HTRA4: variants seen among roughly 807,000 people sequenced by gnomAD.
HTRA4 encodes the protein serine protease HTRA4.
Under a neutral mutation model 49.1 loss-of-function variants are expected in HTRA4, and 46 were observed. The ratio of observed to expected loss-of-function variants is 0.94; its 90% CI spans 0.74 to 1.20. The LOEUF (loss-of-function observed/expected upper bound fraction) is 1.20. HTRA4 is among the 50% of genes most tolerant of loss of function. The pLI is 0.00. For missense variants in HTRA4, 602 were observed against 636.9 expected (o/e 0.95, Z 0.59); for synonymous variants, 261 against 264.0 (o/e 0.99, Z 0.11).
intron 6 of HTRA4, 70 bp from the exon 7 acceptor site, chr8:38,982,428 A>T (rs1835434520): frequency 2.3e-6 from 3 of 1,299,762 alleles, no homozygotes; most frequent in African/African-American, 1.5e-5. Context: ...ATCCTGGGAC[A>T]TGGGTGTCTT....
chr8:38,974,942 G>T, intron 1 of HTRA4, 89 bp from the exon 2 acceptor site: 2 of 1,497,160 alleles, frequency 1.3e-6, no homozygotes, highest in South Asian at 1.1e-5. Context: ...TGCACCTTTT[G>T]AACACTGTCT....
intron 8 of HTRA4, among the ~76,000 whole-genome samples, chr8:38,986,661 C>T (rs1227654437): frequency 1.3e-5 from 2 of 152,178 alleles, no homozygotes; most frequent in African/African-American, 4.8e-5. Context: ...CAAAGAGGTT[C>T]ATTAACTTGT....
At position 38,974,331 on chromosome 8, in the gene HTRA4, T is replaced by A; in HGVS notation, c.68T>A (p.Leu23Gln). ...CTCCTGCCGGGGCTGCTGCTGCTCC[T>A]GGTGCCCGTCCTCTGGGCCGGGGCT... Reference protein sequence around the residue: ...RCLLPGLLLLLVPVLWAGAEK... With the variant: ...RCLLPGLLLLQVPVLWAGAEK... The change falls in exon 1 of 9, where the codon CTG becomes CAG. Residue 23 changes from leucine (L) to glutamine (Q), a missense_variant. Coordinates refer to ENST00000302495, the MANE Select transcript of HTRA4 (RefSeq NM_153692.4). The A allele has an allele frequency of 6.2e-7, 1 of 1,612,646 alleles. No homozygotes were observed. Among genetic ancestry groups the A allele is most frequent in the Non-Finnish European group, 8.5e-7 (1 of 1,179,736 alleles).
chr8:38,987,885 T>G, intron 8 of HTRA4, 51 bp from the exon 9 acceptor site: 2 of 1,466,368 alleles, frequency 1.4e-6, no homozygotes, highest in South Asian at 2.8e-5. Context: ...TGGGGATAAG[T>G]AAAATTCTTG....
In HTRA4 at chr8:38,988,038, G is replaced by A. The variant is rs1385696160; in HGVS notation, c.1371G>A (p.Met457Ile). 1.9e-6 allele frequency: 3 copies of A among 1,611,956 alleles called. No individual in the cohort carries two copies. The highest frequency in any genetic ancestry group is 1.1e-5 in the South Asian group (1 of 90,534). ...VKALDSDSLS[M>I]AVLRGKDNLL... is the part of the protein sequence containing the mutation. Reference sequence around the variant, plus strand: ...CTCTTGACAGTGATTCCCTTTCCATGGCTGTTCTTCGGGGAAAAGATAATT... The same window carrying A: ...CTCTTGACAGTGATTCCCTTTCCATAGCTGTTCTTCGGGGAAAAGATAATT... The change falls in exon 9 of 9, where the codon ATG becomes ATA. Residue 457 changes from methionine (M) to isoleucine (I), a missense_variant. By Grantham distance (10) the Met-to-Ile change is conservative. Transcript: ENST00000302495.
chr8:38,984,116 T>C (rs942644049), intron 8 of HTRA4, among the ~76,000 whole-genome samples: 12 of 152,114 alleles, frequency 7.9e-5, no homozygotes, highest in Admixed American at 1.3e-4. Context: ...TTCTCCTGCC[T>C]CAGCCTCCCG....
Position 38,975,076 on chromosome 8 carries a change from C to T in HTRA4, c.512C>T (p.Ala171Val). The change falls in exon 2 of 9, where the codon GCC (alanine) becomes GTC (valine). Residue 171 changes from alanine (A) to valine (V), a missense_variant. By Grantham distance (64) the Ala-to-Val change is moderately conservative. Coordinates refer to ENST00000302495, the MANE Select transcript of HTRA4 (RefSeq NM_153692.4). ...GPLRRNYNFI[A>V]AVVEKVAPSV... Reference sequence around the variant, plus strand: ...CTCAGGAGGAATTACAACTTCATCGCCGCGGTGGTGGAGAAGGTGGCGCCA... The same window carrying T: ...CTCAGGAGGAATTACAACTTCATCGTCGCGGTGGTGGAGAAGGTGGCGCCA... The T allele has an allele frequency of 6.2e-7, 1 of 1,614,034 alleles. No individual in the cohort carries two copies. The highest frequency in any genetic ancestry group is 8.5e-7 in the Non-Finnish European group (1 of 1,180,032).
At chr8:38,977,381 T>C (rs1835366114) in intron 3 of HTRA4, among the ~76,000 whole-genome samples, 1 of 152,154 alleles carries the variant, frequency 6.6e-6, no homozygotes, top group African/African-American at 2.4e-5. Flanking sequence ...AAGGAATACT[T>C]TGAAGTCCTT....
chr8:38,978,269 G>A (rs1332528066), intron 4 of HTRA4, 122 bp downstream of exon 4: 10 of 762,862 alleles, frequency 1.3e-5, no homozygotes, highest in African/African-American at 1.1e-4. Context: ...ATGACTGCCC[G>A]AGTTCCACCT....
chr8:38,976,060 G>A (rs945235770), intron 2 of HTRA4, among the ~76,000 whole-genome samples: 3 of 152,218 alleles, frequency 2.0e-5, no homozygotes, highest in African/African-American at 7.2e-5. Flanking sequence ...TACCTGCCAA[G>A]TCCACTGATA....
chr8:38,974,603 G>C lies in HTRA4; in HGVS notation c.340G>C (p.Ala114Pro). Reference sequence around the variant, plus strand: ...CTGCGGTTGCCCGACGCTGGGAGGGGCCGTGTGCGGCAGCGACAGGCGCAC... The same window carrying C: ...CTGCGGTTGCCCGACGCTGGGAGGGCCCGTGTGCGGCAGCGACAGGCGCAC... ...STCGCPTLGG[A>P]VCGSDRRTYP... Residue 114 changes from alanine to proline, a missense_variant, in exon 1 of 9, where the codon GCC becomes CCC. Transcript: ENST00000302495. The C allele has an allele frequency of 7.0e-7, 1 of 1,426,890 alleles. No individual in the cohort carries two copies. The highest frequency in any genetic ancestry group is 9.1e-7 in the Non-Finnish European group (1 of 1,097,054). 88.4% of individuals were successfully genotyped at this position (1,426,890 alleles called of 1,614,324 possible).
intron 5 of HTRA4, among the ~76,000 whole-genome samples, chr8:38,981,093 TTTTTG>T: frequency 7.6e-6 from 1 of 131,836 alleles, no homozygotes; most frequent in African/African-American, 3.3e-5. Context: ...TTTTTTTTTT[TTTTTG>T]AGACGGAGTC....
intron 5 of HTRA4, among the ~76,000 whole-genome samples, chr8:38,981,106 G>A (rs1320230326): frequency 9.9e-6 from 1 of 100,744 alleles, no homozygotes; most frequent in Non-Finnish European, 1.8e-5. Context: ...TTGAGACGGA[G>A]TCTCGCTAGG....
In HTRA4 at chr8:38,981,569, T is replaced by G. The variant is rs1030951810; in HGVS notation, c.1000-84T>G. 33 of 891,562 alleles carry G rather than the reference T, an allele frequency of 3.7e-5. No homozygotes were observed. The East Asian group carries it at 7.3e-4, about 20-fold the overall frequency. The allele number at this position is 891,562 out of a possible 1,614,324, so 55.2% of individuals were successfully genotyped here. A position where few individuals can be genotyped will look rare whatever the true frequency, so the allele number is the denominator to read the frequency against. On this transcript the variant is annotated intron_variant, in intron 5 of 8. Transcript: ENST00000302495. ...TGTTTTCTGACCCTAAGTAACTAGC[T>G]TCACTCCTTCTTCTGCTTGTTCTGG...
intron 8 of HTRA4, among the ~76,000 whole-genome samples, chr8:38,985,774 T>G (rs550165825): frequency 3.3e-5 from 5 of 152,334 alleles, no homozygotes; most frequent in Admixed American, 3.3e-4. Flanking sequence ...CAGCTGGGGC[T>G]TGTTGGAAAG....
chr8:38,980,653 G>C (rs1040104118), intron 5 of HTRA4, among the ~76,000 whole-genome samples: 1 of 151,654 alleles, frequency 6.6e-6, no homozygotes, highest in Admixed American at 6.6e-5. Context: ...CAGGAGAATC[G>C]CTTGAACCCG....
In HTRA4 at chr8:38,974,592, C is replaced by G. The variant is rs1588288993; in HGVS notation, c.329C>G (p.Thr110Arg). The part of the protein sequence containing the change: ...PGFPSTCGCP[T>R]LGGAVCGSDR... ...TTCCCCAGCACCTGCGGTTGCCCGA[C>G]GCTGGGAGGGGCCGTGTGCGGCAGC... Residue 110 changes from threonine to arginine, a missense_variant, in exon 1 of 9, where the codon ACG becomes AGG. Physicochemically the swap from Thr to Arg is moderately conservative, Grantham distance 71 (BLOSUM62 -1). Coordinates refer to ENST00000302495, the MANE Select transcript of HTRA4 (RefSeq NM_153692.4). 7.0e-7 allele frequency: 1 copy of G among 1,426,600 alleles called. No individual in the cohort carries two copies. Among genetic ancestry groups the G allele is most frequent in the Non-Finnish European group, 9.1e-7 (1 of 1,096,082 alleles). The allele number at this position is 1,426,600 out of a possible 1,614,324, so 88.4% of individuals were successfully genotyped here. A position where few individuals can be genotyped will look rare whatever the true frequency, so the allele number is the denominator to read the frequency against.
Position 38,981,707 on chromosome 8 carries a change from G to GC in HTRA4, c.1055dup (p.Ile353AsnfsTer7). The GC allele has an allele frequency of 6.2e-7, 1 of 1,613,654 alleles. No individual in the cohort carries two copies. Among genetic ancestry groups the GC allele is most frequent in the Non-Finnish European group, 8.5e-7 (1 of 1,179,958 alleles). On this transcript the variant is annotated frameshift_variant, in exon 6 of 9. Transcript: ENST00000302495. LOFTEE classifies it high-confidence loss of function. ...GAGGGTGACTGATGGAATCTCCTTT[G>GC]CAATTCCTTCAGATCGAGTTAGGCA... is the stretch of plus-strand genomic sequence containing the variant.
At chr8:38,983,161 C>G (rs1401228676) in intron 8 of HTRA4, 113 bp downstream of exon 8, 4 of 642,718 alleles carry the variant, frequency 6.2e-6, no homozygotes, top group Non-Finnish European at 1.1e-5. Flanking sequence ...CCACTACTTA[C>G]ATGTAGTATG....
Sources: gnomAD v4.1 joint callset for allele counts (sites outside exome capture counted in the v4.1 genomes callset) on GRCh38, gnomAD v4.1.1 for gene constraint, MANE v1.5 for transcripts, NCBI Gene and HGNC (gene_info 2026-07-23, HGNC 2026-07-21) for gene names.